The following SGCZ variants were observed in gnomAD, a reference collection of about 807,000 sequenced individuals.
SGCZ encodes the protein sarcoglycan zeta, also known as zeta-sarcoglycan.
A neutral mutation model predicts 41.3 loss-of-function variants in SGCZ; 40 were observed. The observed-to-expected ratio is 0.97, with a 90% CI of 0.75 to 1.26. The LOEUF (loss-of-function observed/expected upper bound fraction) is 1.26, where lower values mean the gene tolerates loss of function less well. SGCZ is among the 50% of genes most tolerant of loss of function. The probability of loss-of-function intolerance (pLI) is 0.00; values close to 1 mark genes in which losing one functional copy is unlikely to be tolerated. For missense variants in SGCZ, 552 were observed against 369.8 expected (o/e 1.49, Z -4.04); for synonymous variants, 206 against 137.5 (o/e 1.50, Z -3.49).
chr8:14,278,757 C>A (rs1231829288), intron 3 of SGCZ, among the ~76,000 whole-genome samples: 3 of 152,050 alleles, frequency 2.0e-5, no homozygotes, highest in African/African-American at 7.2e-5. Flanking sequence ...ATGGTAGCAG[C>A]ACTTCATTAA....
chr8:15,194,454 C>T (rs1461782610), intron 1 of SGCZ, among the ~76,000 whole-genome samples: 6 of 152,058 alleles, frequency 3.9e-5, no homozygotes, highest in South Asian at 2.1e-4. Flanking sequence ...GTCTTAATCC[C>T]GAAAACGCAT....
intron 1 of SGCZ, among the ~76,000 whole-genome samples, chr8:14,621,577 C>A (rs546517428): frequency 6.6e-6 from 1 of 152,118 alleles, no homozygotes; most frequent in South Asian, 2.1e-4. Flanking sequence ...AGAAGCATGA[C>A]CGGAACGCCT....
In SGCZ at chr8:14,132,267, T is replaced by G. The variant is rs142669234; in HGVS notation, c.548-24032A>C. Among the ~76,000 whole-genome samples, 891 of 152,314 alleles carry G rather than the reference T, an allele frequency of 5.8e-3. 6 individuals carry two copies. Among genetic ancestry groups the G allele is most frequent in the African/African-American group, 0.02 (847 of 41,570 alleles). ...CTAGTATATGTTCTATTTCAATTAT[T>G]ATAATGTTAAATACCAGCATTTCAG... On this transcript the variant is annotated intron_variant, in intron 5 of 7. Transcript: ENST00000382080.
intron 2 of SGCZ, among the ~76,000 whole-genome samples, chr8:14,340,829 G>C (rs1052816227): frequency 1.3e-5 from 2 of 152,052 alleles, no homozygotes; most frequent in South Asian, 2.1e-4. Flanking sequence ...TAAGGGTATG[G>C]TTCAGTGGCA....
chr8:14,298,432 G>T (rs1323671483), intron 3 of SGCZ, among the ~76,000 whole-genome samples: 3 of 151,730 alleles, frequency 2.0e-5, no homozygotes, highest in Non-Finnish European at 4.4e-5. Context: ...ATAATTTACA[G>T]AAAAAATTTT....
At chr8:14,106,023 T>C (rs912435216) in intron 6 of SGCZ, among the ~76,000 whole-genome samples, 1 of 152,074 alleles carries the variant, frequency 6.6e-6, no homozygotes, top group African/African-American at 2.4e-5. Context: ...ATGAAAAAAA[T>C]TGGAATCAAT....
chr8:15,213,136 A>G (rs186588273), intron 1 of SGCZ, among the ~76,000 whole-genome samples: 1 of 152,068 alleles, frequency 6.6e-6, no homozygotes, highest in Non-Finnish European at 1.5e-5. Context: ...ATTGTATACT[A>G]AATGCATTTT....
At chr8:14,510,613 G>A (rs969331168) in intron 2 of SGCZ, among the ~76,000 whole-genome samples, 2 of 152,078 alleles carry the variant, frequency 1.3e-5, no homozygotes, top group Non-Finnish European at 2.9e-5. Context: ...GATTTTGTGA[G>A]TAAAATACAT....
At chr8:14,892,099 C>G (rs1297747454) in intron 1 of SGCZ, among the ~76,000 whole-genome samples, 3 of 152,140 alleles carry the variant, frequency 2.0e-5, no homozygotes, top group Non-Finnish European at 4.4e-5. Flanking sequence ...TTTACAATCA[C>G]AATTTATTAC....
intron 1 of SGCZ, among the ~76,000 whole-genome samples, chr8:14,650,187 G>C (rs1246580266): frequency 6.6e-6 from 1 of 151,934 alleles, no homozygotes; most frequent in African/African-American, 2.4e-5. Context: ...AAAACTACTG[G>C]AGTTAACACT....
chr8:14,874,032 T>C (rs1804259481), intron 1 of SGCZ, among the ~76,000 whole-genome samples: 1 of 152,120 alleles, frequency 6.6e-6, no homozygotes, highest in South Asian at 2.1e-4. Context: ...CTGAAAACCA[T>C]GGAAAACTGT....
At chr8:15,085,690 C>T (rs570345184) in intron 1 of SGCZ, among the ~76,000 whole-genome samples, 3 of 152,120 alleles carry the variant, frequency 2.0e-5, no homozygotes, top group African/African-American at 7.2e-5. Context: ...TTGATTTCTC[C>T]TGGATATTCT....
chr8:14,700,717 C>G (rs1365335570), intron 1 of SGCZ, among the ~76,000 whole-genome samples: 3 of 151,968 alleles, frequency 2.0e-5, no homozygotes, highest in Non-Finnish European at 4.4e-5. Context: ...CTACAAAATA[C>G]ATAACATTTT....
At chr8:14,955,717 CT>C (rs913847335) in intron 1 of SGCZ, among the ~76,000 whole-genome samples, 6 of 151,764 alleles carry the variant, frequency 4.0e-5, no homozygotes, top group African/African-American at 9.7e-5. Context: ...TTATCAAGAC[CT>C]TTTTTTTCAT....
chr8:14,108,761 C>A (rs1013692165), intron 5 of SGCZ, among the ~76,000 whole-genome samples: 8 of 152,202 alleles, frequency 5.3e-5, no homozygotes, highest in East Asian at 1.9e-4. Context: ...AGGGAAGAGT[C>A]AATCAAGGTA....
intron 1 of SGCZ, among the ~76,000 whole-genome samples, chr8:15,015,088 C>CA (rs1322273928): frequency 3.3e-5 from 5 of 151,908 alleles, no homozygotes; most frequent in Non-Finnish European, 7.4e-5. Context: ...CTAAAAAATG[C>CA]AAAAATTACC....
At chr8:14,777,229 T>G (rs1800431604) in intron 1 of SGCZ, among the ~76,000 whole-genome samples, 2 of 152,208 alleles carry the variant, frequency 1.3e-5, no homozygotes, top group African/African-American at 4.8e-5. Context: ...TCATGACGAC[T>G]TGAATTAGAA....
chr8:14,839,008 C>A (rs377320914), intron 1 of SGCZ, among the ~76,000 whole-genome samples: 47 of 152,116 alleles, frequency 3.1e-4, no homozygotes, highest in African/African-American at 1.1e-3. Flanking sequence ...AAAGAAAGAC[C>A]TGGAGGGTCT....
intron 1 of SGCZ, among the ~76,000 whole-genome samples, chr8:14,755,354 C>G (rs1799628902): frequency 6.6e-6 from 1 of 152,064 alleles, no homozygotes; most frequent in Non-Finnish European, 1.5e-5. Flanking sequence ...CATTAGCAAA[C>G]AAACTGACTT....
Sources: allele counts gnomAD v4.1 joint callset (sites outside exome capture counted in the v4.1 genomes callset), GRCh38; gene constraint gnomAD v4.1.1; transcripts MANE v1.5; gene names NCBI Gene and HGNC (gene_info 2026-07-23, HGNC 2026-07-21).